Variants in CERS4 observed in about 807,000 individuals in gnomAD.
CERS4 encodes the protein ceramide synthase 4, also known as LAG1 homolog, ceramide synthase 4.
A neutral mutation model predicts 51.8 loss-of-function variants in CERS4; 65 were observed. That is an observed-to-expected ratio of 1.26 (90% CI 1.03 to 1.54). CERS4 has a LOEUF of 1.54. Ranked by LOEUF, CERS4 falls within the 40% of genes most tolerant of loss-of-function variation. The pLI is 0.00. For missense variants in CERS4, 563 were observed against 500.4 expected, an observed-to-expected ratio of 1.13 and a Z score of -1.19; for synonymous variants, 228 against 208.4, an observed-to-expected ratio of 1.09 and a Z score of -0.81.
At chr19:8,228,076 G>A (rs1967859499) in intron 2 of CERS4, among the ~76,000 whole-genome samples, 1 of 152,030 alleles carries the variant, frequency 6.6e-6, no homozygotes, top group African/African-American at 2.4e-5. Flanking sequence ...TGGCCAGGAT[G>A]GTCTCGATCT....
rs1555777241 is a variant in CERS4 at position 8,245,126 on chromosome 19, A to ACAAAAAAAACAAAAAAAAAC, written c.-1-5950_-1-5949insCAAAAAAAACAAAAAAAAAC. ...GACTCCATCTCAAAAAAAAAAAAAA[A>ACAAAAAAAACAAAAAAAAAC]AAAAAAAAACACTCTTGGCTTCAAG... is the stretch of plus-strand genomic sequence containing the variant. On this transcript the variant is annotated intron_variant, in intron 2 of 11. Transcript: ENST00000251363. Among the ~76,000 whole-genome samples the ACAAAAAAAACAAAAAAAAAC allele has an allele frequency of 8.8e-4, 130 of 148,230 alleles. 3 individuals are homozygous for ACAAAAAAAACAAAAAAAAAC. The highest frequency in any genetic ancestry group is 3.0e-3 in the African/African-American group (119 of 39,634).
chr19:8,253,472 G>T (rs2967631), intron 3 of CERS4, among the ~76,000 whole-genome samples: 25,763 of 62,414 alleles, frequency 0.41, 3,518 homozygotes, highest in Non-Finnish European at 0.47. Flanking sequence ...TTTTTTTTTT[G>T]GGGAGACAGA....
At position 8,254,612 on chromosome 19, in the gene CERS4, A is replaced by T. The variant is rs781234850; in HGVS notation, c.287A>T (p.Lys96Met). The change falls in exon 4 of 12, where the codon AAG (lysine) becomes ATG (methionine). Residue 96 changes from lysine to methionine, a missense_variant. Physicochemically the swap from Lys to Met is moderately conservative, Grantham distance 95. Coordinates refer to ENST00000251363, the MANE Select transcript of CERS4 (RefSeq NM_024552.3). ...TTCCTCACGGAAGGGCACAGGCCCA[A>T]GGAGGTGAGAGCCCCCCATGCCCTC... ...KHFLTEGHRP[K>M]EPQLSLLAAQ... The T allele has an allele frequency of 6.2e-7, 1 of 1,605,694 alleles. No individual in the cohort carries two copies. The highest frequency in any genetic ancestry group is 1.1e-5 in the South Asian group (1 of 89,674).
At position 8,262,362 on chromosome 19, in the gene CERS4, C is replaced by T; in HGVS notation, c.*253C>T. ...GGCCAGAGACACCTCCAGGCTGTGG[C>T]CTGGGGGCTGGGGGGAGCCCCAGGC... On this transcript the variant is annotated 3_prime_UTR_variant, in exon 12 of 12. Coordinates refer to ENST00000251363, the MANE Select transcript of CERS4 (RefSeq NM_024552.3). 5.1e-6 allele frequency: 2 copies of T among 392,552 alleles called. No homozygotes were observed. Among genetic ancestry groups the T allele is most frequent in the African/African-American group, 2.1e-5 (1 of 48,552 alleles). The allele number at this position is 392,552 out of a possible 1,614,324, so 24.3% of individuals were successfully genotyped here. A position where few individuals can be genotyped will look rare whatever the true frequency, so the allele number is the denominator to read the frequency against.
chr19:8,249,432 A>C (rs999280655), intron 2 of CERS4, among the ~76,000 whole-genome samples: 2 of 151,802 alleles, frequency 1.3e-5, no homozygotes, highest in Non-Finnish European at 2.9e-5. Context: ...GAGCTGCCCC[A>C]CCTCGACCGC....
intron 2 of CERS4, among the ~76,000 whole-genome samples, chr19:8,237,018 A>C (rs568537777): frequency 2.6e-5 from 4 of 151,198 alleles, no homozygotes; most frequent in South Asian, 2.1e-4. Context: ...AAAAAAAAAA[A>C]AAAAAAAAAC....
At chr19:8,232,154 T>G (rs570921643) in intron 2 of CERS4, among the ~76,000 whole-genome samples, 25 of 151,972 alleles carry the variant, frequency 1.6e-4, no homozygotes, top group African/African-American at 5.8e-4. Flanking sequence ...TTTAAGCCAG[T>G]TTTTATCTCC....
At chr19:8,254,344 T>TAAAAAAAAAAAAA (rs1969256255) in intron 3 of CERS4, among the ~76,000 whole-genome samples, 155 bp from the exon 4 acceptor site, 1 of 31,020 alleles carries the variant, frequency 3.2e-5, no homozygotes, top group Non-Finnish European at 1.0e-4. Context: ...AAAAAAAAAG[T>TAAAAAAAAAAAAA]CTTACACACC....
chr19:8,250,773 ATGAACT>A, intron 2 of CERS4: 1 of 1,102,174 alleles, frequency 9.1e-7, no homozygotes. Context: ...TGTTTTACAG[ATGAACT>A]TGAGGTTCAG....
At chr19:8,237,075 C>T (rs1041165237) in intron 2 of CERS4, among the ~76,000 whole-genome samples, 1 of 148,482 alleles carries the variant, frequency 6.7e-6, no homozygotes, top group Non-Finnish European at 1.5e-5. Context: ...GCTTGCAAGT[C>T]ACCTTGCTGT....
At chr19:8,260,368 TA>T (rs1171971312) in intron 10 of CERS4, among the ~76,000 whole-genome samples, 2 of 53,340 alleles carry the variant, frequency 3.7e-5, no homozygotes, top group African/African-American at 5.1e-5. Flanking sequence ...CTAATTTTTG[TA>T]TTTTTTTTTT....
chr19:8,220,242 C>T (rs960948261), intron 2 of CERS4, among the ~76,000 whole-genome samples: 1 of 151,882 alleles, frequency 6.6e-6, no homozygotes, highest in Non-Finnish European at 1.5e-5. Flanking sequence ...TGAAGATACC[C>T]TACCCGGACC....
At chr19:8,254,756 ATCC>A (rs1205177580) in intron 4 of CERS4, 140 bp downstream of exon 4, 2 of 706,686 alleles carry the variant, frequency 2.8e-6, no homozygotes, top group Non-Finnish European at 4.8e-6. Flanking sequence ...TCCACTCTTC[ATCC>A]TCAATTCCCT....
chr19:8,242,665 G>C (rs911365844), intron 2 of CERS4, among the ~76,000 whole-genome samples: 1 of 152,184 alleles, frequency 6.6e-6, no homozygotes, highest in Admixed American at 6.6e-5. Flanking sequence ...AAGCTCTTCA[G>C]GGCAGAGATG....
chr19:8,216,207 C>G lies in CERS4; in HGVS notation c.-2+5345C>G, dbSNP rs536213262. ...CAGCCTGGCCAACAAGGTGAAACCC[C>G]GTCTCTACTAAAAATGCAAAGATTA... On this transcript the variant is annotated intron_variant, in intron 2 of 11. Transcript: ENST00000251363. Among the ~76,000 whole-genome samples, 5 of 151,698 alleles carry G rather than the reference C, an allele frequency of 3.3e-5. No individual in the cohort carries two copies. In the South Asian group the frequency reaches 1.0e-3, roughly 32 times the overall value.
chr19:8,262,188 G>A lies in CERS4; in HGVS notation c.*79G>A, dbSNP rs1969746055. 9 of 1,368,678 alleles carry A rather than the reference G, an allele frequency of 6.6e-6. No individual in the cohort carries two copies. The highest frequency in any genetic ancestry group is 8.5e-6 in the Non-Finnish European group (9 of 1,062,758). 84.8% of individuals were successfully genotyped at this position (1,368,678 alleles called of 1,614,324 possible). On this transcript the variant is annotated 3_prime_UTR_variant, in exon 12 of 12. Coordinates refer to ENST00000251363, the MANE Select transcript of CERS4 (RefSeq NM_024552.3). The stretch of plus-strand genomic sequence containing the variant: ...CTGGGGTGACTGGACTGGCGCCCCT[G>A]GGCCACCTTTCTGGAGACAGGGAGG...
chr19:8,253,471 T>TGG (rs371501211), intron 3 of CERS4, among the ~76,000 whole-genome samples: 3 of 137,020 alleles, frequency 2.2e-5, no homozygotes, highest in African/African-American at 5.3e-5. Flanking sequence ...TTTTTTTTTT[T>TGG]GGGGAGACAG....
At chr19:8,254,760 TC>T in intron 4 of CERS4, 144 bp downstream of exon 4, 1 of 701,558 alleles carries the variant, frequency 1.4e-6, no homozygotes, top group Non-Finnish European at 2.4e-6. Context: ...CTCTTCATCC[TC>T]AATTCCCTGG....
chr19:8,218,234 G>A (rs1967387167), intron 2 of CERS4, among the ~76,000 whole-genome samples: 1 of 152,174 alleles, frequency 6.6e-6, no homozygotes, highest in African/African-American at 2.4e-5. Flanking sequence ...CAAAGCACTG[G>A]GATTACAGGT....
Sources: allele counts gnomAD v4.1 joint callset (sites outside exome capture counted in the v4.1 genomes callset), GRCh38; gene constraint gnomAD v4.1.1; transcripts MANE v1.5; gene names NCBI Gene and HGNC (gene_info 2026-07-23, HGNC 2026-07-21).